GPHN: variants seen among roughly 807,000 people sequenced by gnomAD.
GPHN encodes the protein gephyrin.
Under a neutral mutation model 95.5 loss-of-function variants are expected in GPHN, and 17 were observed. The ratio of observed to expected loss-of-function variants is 0.18; its 90% CI spans 0.12 to 0.27. The LOEUF is 0.27. Ranked by LOEUF, GPHN falls within the 10% of genes least tolerant of loss-of-function variation. The pLI is 1.00. For synonymous variants in GPHN, 320 were observed against 322.5 expected (o/e 0.99, Z 0.08); for missense variants, 660 against 978.1 (o/e 0.67, Z 4.34).
the GPHN span, among the ~76,000 whole-genome samples, chr14:67,374,861 T>C: frequency 0.19 from 28,885 of 152,060 alleles, 4,404 homozygotes; most frequent in East Asian, 0.48. Flanking sequence ...GCCTCAGCCC[T>C]CCAAAGTGCT....
At chr14:66,755,090 G>C (rs943357980) in intron 2 of GPHN, among the ~76,000 whole-genome samples, 4 of 151,866 alleles carry the variant, frequency 2.6e-5, no homozygotes, top group Admixed American at 2.6e-4. Flanking sequence ...CTTTGTCTCT[G>C]ATTTTGTGCA....
chr14:67,451,858 CA>C, the GPHN span, among the ~76,000 whole-genome samples: 2 of 152,216 alleles, frequency 1.3e-5, no homozygotes, highest in Non-Finnish European at 1.5e-5. Context: ...CGGGAGGGGC[CA>C]GGGGTGGAAT....
the GPHN span, among the ~76,000 whole-genome samples, chr14:67,511,882 T>C: frequency 6.6e-6 from 1 of 152,246 alleles, no homozygotes; most frequent in African/African-American, 2.4e-5. Context: ...CTTTTCCATC[T>C]TGGAAATGTG....
the GPHN span, chr14:67,727,054 C>A: frequency 5.6e-6 from 9 of 1,613,920 alleles, no homozygotes; most frequent in Non-Finnish European, 7.6e-6. Flanking sequence ...TTAATGTGTC[C>A]TCGGTGGCTC....
At chr14:67,279,310 T>A in the GPHN span, 1 of 1,612,794 alleles carries the variant, frequency 6.2e-7, no homozygotes, top group Non-Finnish European at 8.5e-7. Flanking sequence ...GGCACCAGGA[T>A]GATGCCAATA....
the GPHN span, among the ~76,000 whole-genome samples, chr14:67,638,556 C>G: frequency 6.6e-6 from 1 of 152,152 alleles, no homozygotes; most frequent in Non-Finnish European, 1.5e-5. Flanking sequence ...GTGAACTTCC[C>G]CTGACTCCTT....
chr14:67,272,136 T>C, the GPHN span: 1 of 152,176 alleles, frequency 6.6e-6, no homozygotes, highest in African/African-American at 2.4e-5. Flanking sequence ...TAAATTTGTA[T>C]ACAAATCACT....
chr14:66,959,722 G>C (rs2068770449), intron 8 of GPHN, among the ~76,000 whole-genome samples: 1 of 151,798 alleles, frequency 6.6e-6, no homozygotes, highest in Non-Finnish European at 1.5e-5. Context: ...GTCTTTTTTA[G>C]TTTATCCTGC....
chr14:67,279,237 C>G, the GPHN span: 1 of 1,612,834 alleles, frequency 6.2e-7, no homozygotes, highest in South Asian at 1.1e-5. Flanking sequence ...AAATGTTGAT[C>G]TTGCATCACC....
the GPHN span, among the ~76,000 whole-genome samples, chr14:67,602,095 A>G: frequency 6.6e-6 from 1 of 152,206 alleles, no homozygotes; most frequent in Non-Finnish European, 1.5e-5. Context: ...ACACTGCTAT[A>G]AAGAACTACC....
At chr14:67,691,262 T>C in the GPHN span, 34 of 1,588,478 alleles carry the variant, frequency 2.1e-5, no homozygotes, top group Admixed American at 3.3e-4. Flanking sequence ...GACAAGACGA[T>C]GGAGCGTGGA....
At chr14:67,691,066 C>T in the GPHN span, 1 of 954,178 alleles carries the variant, frequency 1.0e-6, no homozygotes, top group South Asian at 1.3e-5. Flanking sequence ...AACAAGAAGC[C>T]TCAATCTGAC....
the GPHN span, among the ~76,000 whole-genome samples, chr14:67,418,090 A>G: frequency 6.6e-6 from 1 of 152,166 alleles, no homozygotes; most frequent in Non-Finnish European, 1.5e-5. Flanking sequence ...TAGCATGGTC[A>G]TATTTACTGT....
chr14:66,677,655 T>A (rs151281167), intron 1 of GPHN, among the ~76,000 whole-genome samples: 5 of 150,840 alleles, frequency 3.3e-5, no homozygotes, highest in Admixed American at 3.3e-4. Context: ...CTTGATATAA[T>A]ACTGATTTTT....
chr14:66,782,099 G>A lies in GPHN; in HGVS notation c.201+5578G>A, dbSNP rs149872547. On this transcript the variant is annotated intron_variant, in intron 3 of 22. Coordinates refer to ENST00000478722, the MANE Select transcript of GPHN (RefSeq NM_020806.5). ...TAAATTGATACAATATTTTTAAAAT[G>A]TGTCTTTGTTTTTCCAGCCCATGGG... Among the ~76,000 whole-genome samples the A allele has an allele frequency of 5.0e-3, 760 of 152,078 alleles. 7 individuals carry two copies. The highest frequency in any genetic ancestry group is 0.031 in the Middle Eastern group (9 of 294).
chr14:67,073,277 G>A lies in GPHN; in HGVS notation c.1144+14491G>A, dbSNP rs527919349. On this transcript the variant is annotated intron_variant, in intron 11 of 22. Transcript: ENST00000478722. ...GAGTGAACATTTTCTTTCTTTCTTTGCACAAAATCCTGACCAACAAATTCA... is the reference window on the plus strand; with the variant it reads ...GAGTGAACATTTTCTTTCTTTCTTTACACAAAATCCTGACCAACAAATTCA... 2.0e-5 allele frequency among the ~76,000 whole-genome samples: 3 copies of A among 152,014 alleles called. 1 individual carries two copies. In the South Asian group the frequency reaches 6.3e-4, roughly 32 times the overall value.
intron 9 of GPHN, among the ~76,000 whole-genome samples, chr14:66,986,350 A>G (rs2071029070): frequency 6.6e-6 from 1 of 152,112 alleles, no homozygotes; most frequent in African/African-American, 2.4e-5. Context: ...AAAAACTGAT[A>G]CAACAATCAA....
chr14:66,882,093 A>C (rs2063958584), intron 5 of GPHN, among the ~76,000 whole-genome samples: 1 of 151,848 alleles, frequency 6.6e-6, no homozygotes, highest in African/African-American at 2.4e-5. Context: ...TTTTGTATGC[A>C]CTTCTGGCTT....
At chr14:66,880,974 T>C (rs1162519807) in intron 5 of GPHN, among the ~76,000 whole-genome samples, 1 of 151,978 alleles carries the variant, frequency 6.6e-6, no homozygotes, top group Non-Finnish European at 1.5e-5. Context: ...AAATAGCAGC[T>C]GTATAGTTTC....
Sources: gnomAD v4.1 joint callset for allele counts (sites outside exome capture counted in the v4.1 genomes callset) on GRCh38, gnomAD v4.1.1 for gene constraint, MANE v1.5 for transcripts, NCBI Gene and HGNC (gene_info 2026-07-23, HGNC 2026-07-21) for gene names.